CTDSPL2: variants seen among roughly 807,000 people sequenced by gnomAD.
CTDSPL2 encodes CTD small phosphatase-like protein 2.
Under a neutral mutation model 60.0 loss-of-function variants are expected in CTDSPL2, and 5 were observed. The observed-to-expected ratio is 0.08, with a 90% confidence interval of 0.04 to 0.18. The LOEUF is 0.18. Ranked by LOEUF, CTDSPL2 falls within the 10% of genes least tolerant of loss-of-function variation. The pLI is 1.00. For missense variants in CTDSPL2, 370 were observed against 548.8 expected (o/e 0.67, Z 3.26); for synonymous variants, 186 against 189.3 (o/e 0.98, Z 0.14).
At chr15:44,428,808 C>T (rs1257633326) in intron 1 of CTDSPL2, among the ~76,000 whole-genome samples, 2 of 152,028 alleles carry the variant, frequency 1.3e-5, no homozygotes, top group Admixed American at 6.6e-5. Context: ...CGTTCCTGGT[C>T]CATTTTTTAT....
intron 1 of CTDSPL2, chr15:44,448,762 G>T: frequency 2.8e-6 from 1 of 352,004 alleles, no homozygotes; most frequent in Non-Finnish European, 5.5e-6. Context: ...TCCTAACCCT[G>T]TTCCAATACC....
intron 8 of CTDSPL2, among the ~76,000 whole-genome samples, chr15:44,509,036 A>G (rs1261174438): frequency 2.0e-5 from 3 of 152,200 alleles, no homozygotes; most frequent in East Asian, 1.9e-4. Flanking sequence ...AAAATTATCT[A>G]TGATATTAGA....
intron 2 of CTDSPL2, among the ~76,000 whole-genome samples, chr15:44,464,221 G>C (rs1472369065): frequency 6.6e-6 from 1 of 152,186 alleles, no homozygotes; most frequent in Non-Finnish European, 1.5e-5. Flanking sequence ...GCCAAGCACT[G>C]TCCTCAGTGT....
At chr15:44,499,622 A>G in intron 7 of CTDSPL2, 105 bp from the exon 8 acceptor site, 1 of 652,110 alleles carries the variant, frequency 1.5e-6, no homozygotes, top group South Asian at 2.0e-5. Flanking sequence ...TGTAAAATTC[A>G]ACATATGAAT....
At chr15:44,455,163 G>C (rs1195589932) in intron 1 of CTDSPL2, among the ~76,000 whole-genome samples, 3 of 152,084 alleles carry the variant, frequency 2.0e-5, no homozygotes, top group Admixed American at 1.3e-4. Flanking sequence ...TGGATTCCTA[G>C]GTATTTTATT....
intron 5 of CTDSPL2, among the ~76,000 whole-genome samples, chr15:44,491,705 TGTG>T (rs1567090840): frequency 6.6e-6 from 1 of 152,216 alleles, no homozygotes; most frequent in African/African-American, 2.4e-5. Context: ...TGTTGTTTAT[TGTG>T]GTACCAGGTA....
intron 12 of CTDSPL2, among the ~76,000 whole-genome samples, chr15:44,521,754 C>T (rs1044910383): frequency 6.6e-5 from 10 of 150,942 alleles, no homozygotes; most frequent in Non-Finnish European, 1.0e-4. Flanking sequence ...CTGGCTAACA[C>T]GGTGAAACCC....
intron 12 of CTDSPL2, among the ~76,000 whole-genome samples, chr15:44,522,948 G>C (rs1393204821): frequency 6.6e-6 from 1 of 152,090 alleles, no homozygotes; most frequent in Non-Finnish European, 1.5e-5. Flanking sequence ...TCTATTGCTT[G>C]ATGAAACTTT....
chr15:44,486,158 G>A (rs1014268605), intron 3 of CTDSPL2, among the ~76,000 whole-genome samples: 19 of 152,086 alleles, frequency 1.2e-4, no homozygotes, highest in African/African-American at 4.1e-4. Context: ...TGTGAGGGAA[G>A]GTTTTATGAA....
intron 1 of CTDSPL2, among the ~76,000 whole-genome samples, chr15:44,444,749 G>A (rs12907418): frequency 7.0e-6 from 1 of 143,320 alleles, no homozygotes; most frequent in Non-Finnish European, 1.5e-5. Context: ...TTTTTTTTTG[G>A]CGTTTAGATA....
Position 44,524,203 on chromosome 15 carries a change from G to T in CTDSPL2, c.*29G>T. 1 of 1,579,226 alleles carries T rather than the reference G, an allele frequency of 6.3e-7. No homozygotes were observed. The highest frequency in any genetic ancestry group is 1.1e-5 in the South Asian group (1 of 90,342). On this transcript the variant is annotated 3_prime_UTR_variant, in exon 13 of 13. Transcript: ENST00000260327. ...CAAAGACTTGTCAAATCACTGAAGG[G>T]GGAGAGAATGCAGGACCCTTTTGGA...
chr15:44,459,502 T>C (rs1183968305), intron 2 of CTDSPL2, among the ~76,000 whole-genome samples: 3 of 152,140 alleles, frequency 2.0e-5, no homozygotes, highest in Non-Finnish European at 4.4e-5. Context: ...CACTCCAACC[T>C]GGGCGACAGC....
At chr15:44,445,741 T>A (rs1185143434) in intron 1 of CTDSPL2, among the ~76,000 whole-genome samples, 2 of 151,396 alleles carry the variant, frequency 1.3e-5, no homozygotes, top group Admixed American at 1.3e-4. Context: ...AGGTTCAAGC[T>A]GTTCTCCTGC....
At chr15:44,443,216 G>A (rs1001143493) in intron 1 of CTDSPL2, among the ~76,000 whole-genome samples, 3 of 152,144 alleles carry the variant, frequency 2.0e-5, no homozygotes, top group South Asian at 2.1e-4. Context: ...AGTCTTCAAC[G>A]TTCATAATAT....
In CTDSPL2 at chr15:44,505,429, A is replaced by T. The variant is rs529542619; in HGVS notation, c.969+5616A>T. Among the ~76,000 whole-genome samples, 4 of 151,896 alleles carry T rather than the reference A, an allele frequency of 2.6e-5. No homozygotes were observed. The East Asian group carries it at 7.7e-4, about 29-fold the overall frequency. On this transcript the variant is annotated intron_variant, in intron 8 of 12. Coordinates refer to ENST00000260327, the MANE Select transcript of CTDSPL2 (RefSeq NM_016396.3). The stretch of plus-strand genomic sequence containing the variant: ...CAGAGAGCCAGTCTCAAAAAGAAAA[A>T]AAAGAAGGAGAAAAAACATACGGGC...
intron 8 of CTDSPL2, among the ~76,000 whole-genome samples, chr15:44,500,490 A>G (rs370153603): frequency 3.3e-5 from 5 of 152,314 alleles, no homozygotes; most frequent in African/African-American, 1.2e-4. Flanking sequence ...GAAAATTGCA[A>G]AGTACGTTTC....
At chr15:44,441,828 T>G (rs1463510466) in intron 1 of CTDSPL2, among the ~76,000 whole-genome samples, 1 of 152,208 alleles carries the variant, frequency 6.6e-6, no homozygotes, top group East Asian at 1.9e-4. Context: ...TTTAGAAGAA[T>G]GAATCTCTAG....
intron 11 of CTDSPL2, chr15:44,520,165 T>C (rs2081738884): frequency 6.6e-6 from 1 of 151,914 alleles, no homozygotes; most frequent in Non-Finnish European, 1.5e-5. Context: ...TTTTTTTTTT[T>C]TTGAGACGGA....
At chr15:44,511,339 A>G (rs1201454939) in intron 8 of CTDSPL2, among the ~76,000 whole-genome samples, 2 of 152,226 alleles carry the variant, frequency 1.3e-5, no homozygotes, top group African/African-American at 2.4e-5. Flanking sequence ...AGTATGCACA[A>G]TGAAGTTATA....
Sources: gnomAD v4.1 joint callset for allele counts (sites outside exome capture counted in the v4.1 genomes callset) on GRCh38, gnomAD v4.1.1 for gene constraint, MANE v1.5 for transcripts, NCBI Gene and HGNC (gene_info 2026-07-23, HGNC 2026-07-21) for gene names.